Variants in CHODL observed in about 807,000 individuals in gnomAD.
CHODL encodes transmembrane protein MT75.
Under a neutral mutation model 34.5 loss-of-function variants are expected in CHODL, and 29 were observed. The observed-to-expected ratio is 0.84, with a 90% CI of 0.63 to 1.15. The LOEUF (loss-of-function observed/expected upper bound fraction) is 1.15, where lower values mean the gene tolerates loss of function less well. Among genes scored for constraint, CHODL ranks in the 50% most tolerant of loss-of-function variants. The pLI is 0.00. For missense variants in CHODL, 332 were observed against 332.5 expected (o/e 1.00, Z 0.01); for synonymous variants, 125 against 116.1 (o/e 1.08, Z -0.49).
chr21:18,179,001 G>A lies in CHODL; in HGVS notation c.-44-77508G>A, dbSNP rs551219385. 1.1e-4 allele frequency among the ~76,000 whole-genome samples: 16 copies of A among 152,230 alleles called. No individual in the cohort carries two copies. In the South Asian group the frequency reaches 1.5e-3, roughly 14 times the overall value. Reference sequence around the variant, plus strand: ...CTTCTGGAAGTTTATCTTGTTTCTTGCCAGTTTTCCAAAACCCTTTCTTCT... The same window carrying A: ...CTTCTGGAAGTTTATCTTGTTTCTTACCAGTTTTCCAAAACCCTTTCTTCT... On this transcript the variant is annotated intron_variant, in intron 2 of 6. Coordinates refer to the CHODL transcript ENST00000400127.
intron 2 of CHODL, among the ~76,000 whole-genome samples, chr21:18,120,482 G>A (rs1191664873): frequency 6.6e-6 from 1 of 152,106 alleles, no homozygotes; most frequent in Non-Finnish European, 1.5e-5. Flanking sequence ...GAAATTCACA[G>A]TTTTATCGTG....
intron 2 of CHODL, among the ~76,000 whole-genome samples, chr21:18,184,743 C>T (rs2073421166): frequency 6.6e-6 from 1 of 152,126 alleles, no homozygotes; most frequent in African/African-American, 2.4e-5. Flanking sequence ...GTGGGCCAAC[C>T]TTCTTCTATG....
intron 3 of CHODL, among the ~76,000 whole-genome samples, chr21:18,259,514 T>C (rs1361555206): frequency 6.6e-6 from 1 of 152,118 alleles, no homozygotes; most frequent in African/African-American, 2.4e-5. Context: ...CATGTACCCC[T>C]GAACTTAAAA....
chr21:17,951,962 A>G (rs1433233272), intron 1 of CHODL, among the ~76,000 whole-genome samples: 1 of 152,108 alleles, frequency 6.6e-6, no homozygotes, highest in Non-Finnish European at 1.5e-5. Context: ...GGCCAGGTAC[A>G]GTGGCTTGTG....
At chr21:18,017,652 G>A (rs1022826836) in intron 1 of CHODL, among the ~76,000 whole-genome samples, 4 of 152,202 alleles carry the variant, frequency 2.6e-5, no homozygotes, top group African/African-American at 9.6e-5. Flanking sequence ...TGTTGCAGAG[G>A]CAGAGCCCTC....
intron 2 of CHODL, among the ~76,000 whole-genome samples, chr21:18,131,180 T>G (rs2072650402): frequency 6.6e-6 from 1 of 151,738 alleles, no homozygotes; most frequent in Admixed American, 6.6e-5. Context: ...TTGAAAACAA[T>G]CTCTCTGGTG....
At chr21:18,068,334 T>C (rs1212212921) in intron 2 of CHODL, among the ~76,000 whole-genome samples, 1 of 151,768 alleles carries the variant, frequency 6.6e-6, no homozygotes, top group Non-Finnish European at 1.5e-5. Context: ...GTAGCTGGGT[T>C]TACAGGCACC....
rs145607025 is a variant in CHODL, at chr21:17,920,956, G to C, written c.-145+3556G>C. Among the ~76,000 whole-genome samples, 1,218 of 152,258 alleles carry C rather than the reference G, an allele frequency of 8.0e-3. 19 individuals carry two copies. The highest frequency in any genetic ancestry group is 0.027 in the African/African-American group (1,122 of 41,556). On this transcript the variant is annotated intron_variant, in intron 1 of 6. Transcript: ENST00000400127. ...TGCTGCCACTGTTCATGTCTTGCCT[G>C]TTCTTCTACAAGGTACATTTCCAAG...
chr21:18,123,083 T>A (rs983199647), intron 2 of CHODL, among the ~76,000 whole-genome samples: 2 of 152,226 alleles, frequency 1.3e-5, no homozygotes, highest in African/African-American at 2.4e-5. Context: ...AACTCTTTCA[T>A]GCACAAGACT....
chr21:18,172,558 C>A (rs1016949815), intron 2 of CHODL, among the ~76,000 whole-genome samples: 1 of 143,834 alleles, frequency 7.0e-6, no homozygotes, highest in African/African-American at 2.7e-5. Context: ...GCTTTCCTTA[C>A]CCAGATTCAG....
intron 2 of CHODL, among the ~76,000 whole-genome samples, chr21:18,216,766 A>G (rs560719513): frequency 5.3e-5 from 8 of 152,298 alleles, no homozygotes; most frequent in African/African-American, 1.9e-4. Context: ...CACCTTCTTC[A>G]TGAGGTGGCA....
At chr21:18,028,741 A>ACTTTATCT (rs2064213946) in intron 2 of CHODL, among the ~76,000 whole-genome samples, 1 of 150,420 alleles carries the variant, frequency 6.6e-6, no homozygotes, top group Admixed American at 6.6e-5. Context: ...CTTGTTAACT[A>ACTTTATCT]CTTTATCTCC....
chr21:18,152,613 T>A (rs1568913199), intron 2 of CHODL, among the ~76,000 whole-genome samples: 1 of 152,230 alleles, frequency 6.6e-6, no homozygotes, highest in Non-Finnish European at 1.5e-5. Flanking sequence ...CCTGGCCACA[T>A]GGCTCTCTCA....
At chr21:18,023,284 T>C (rs1181311133) in intron 1 of CHODL, among the ~76,000 whole-genome samples, 1 of 150,690 alleles carries the variant, frequency 6.6e-6, no homozygotes, top group African/African-American at 2.4e-5. Flanking sequence ...CAAGGGGAGG[T>C]GGTGTGGGGG....
chr21:18,197,540 C>T (rs560230059), intron 2 of CHODL, among the ~76,000 whole-genome samples: 17 of 152,214 alleles, frequency 1.1e-4, no homozygotes, highest in East Asian at 9.7e-4. Flanking sequence ...TGCTTGAACC[C>T]GGGATGCGGA....
intron 2 of CHODL, among the ~76,000 whole-genome samples, chr21:18,168,463 A>C (rs1474364755): frequency 6.6e-6 from 1 of 152,152 alleles, no homozygotes; most frequent in African/African-American, 2.4e-5. Flanking sequence ...TGTTTTAGCC[A>C]TTCTAGTGCA....
At chr21:18,204,690 C>A (rs989790089) in intron 2 of CHODL, among the ~76,000 whole-genome samples, 1 of 152,136 alleles carries the variant, frequency 6.6e-6, no homozygotes, top group Non-Finnish European at 1.5e-5. Context: ...TAGTTTCTTA[C>A]TTCCATCTGA....
chr21:18,097,090 ATAT>A (rs2065149360), intron 2 of CHODL, among the ~76,000 whole-genome samples: 1 of 152,210 alleles, frequency 6.6e-6, no homozygotes, highest in Non-Finnish European at 1.5e-5. Flanking sequence ...TCAAAGCTGT[ATAT>A]GACAGACCCA....
chr21:18,261,377 A>G (rs576424389), intron 4 of CHODL, among the ~76,000 whole-genome samples: 1 of 150,686 alleles, frequency 6.6e-6, no homozygotes, highest in Admixed American at 6.6e-5. Context: ...AAAAAAAAAG[A>G]TCAGTAGGCT....
Sources: allele counts gnomAD v4.1 joint callset (sites outside exome capture counted in the v4.1 genomes callset), GRCh38; gene constraint gnomAD v4.1.1; transcripts MANE v1.5; gene names NCBI Gene and HGNC (gene_info 2026-07-23, HGNC 2026-07-21).